Variants in C12orf42 observed in about 807,000 individuals in gnomAD.
The protein encoded by C12orf42 is chromosome 12 open reading frame 42.
Under a neutral mutation model 21.6 loss-of-function variants are expected in C12orf42, and 25 were observed. The observed-to-expected ratio is 1.16, with a 90% CI of 0.84 to 1.62. The LOEUF (loss-of-function observed/expected upper bound fraction) is 1.62. Among genes scored for constraint, C12orf42 ranks in the 40% most tolerant of loss-of-function variants. The pLI is 0.00. For synonymous variants in C12orf42, 174 were observed against 175.0 expected (o/e 0.99, Z 0.05); for missense variants, 483 against 459.3 (o/e 1.05, Z -0.47).
chr12:103,207,240 T>A, the C12orf42 span, among the ~76,000 whole-genome samples: 1 of 152,160 alleles, frequency 6.6e-6, no homozygotes, highest in African/African-American at 2.4e-5. Context: ...TAACCAAAAT[T>A]TTGTGTTATG....
intron 2 of C12orf42, among the ~76,000 whole-genome samples, chr12:103,447,292 G>A (rs1176569556): frequency 6.6e-6 from 1 of 151,418 alleles, no homozygotes; most frequent in Non-Finnish European, 1.5e-5. Flanking sequence ...AAGATGGAAG[G>A]TAAGGTAATA....
chr12:103,257,047 G>C (rs1429898531), intron 10 of C12orf42, among the ~76,000 whole-genome samples: 1 of 152,104 alleles, frequency 6.6e-6, no homozygotes, highest in East Asian at 1.9e-4. Context: ...AAAAGAATTA[G>C]ATCATGTCCT....
rs116621417 is a variant in C12orf42 at position 103,317,991 on chromosome 12, A to T, written c.260-11646T>A. On this transcript the variant is annotated intron_variant, in intron 4 of 5. Transcript: ENST00000548883. ...AGACATAGGGGTGAAGCCCAGTCTT[A>T]TGTTGTTTTTGTTTTAATATTACCA... is the stretch of plus-strand genomic sequence containing the variant. Among the ~76,000 whole-genome samples, 506 of 152,328 alleles carry T rather than the reference A, an allele frequency of 3.3e-3. 4 individuals carry two copies. Among genetic ancestry groups the T allele is most frequent in the African/African-American group, 0.012 (482 of 41,570 alleles).
At chr12:103,475,114 G>A (rs1953944956) in intron 2 of C12orf42, among the ~76,000 whole-genome samples, 1 of 152,154 alleles carries the variant, frequency 6.6e-6, no homozygotes, top group South Asian at 2.1e-4. Flanking sequence ...TCAGAAAAAA[G>A]CCATCTTCCA....
chr12:103,075,673 T>C, the C12orf42 span, among the ~76,000 whole-genome samples: 1 of 152,188 alleles, frequency 6.6e-6, no homozygotes, highest in African/African-American at 2.4e-5. Context: ...GCTATTTCTA[T>C]TATGTTCCTT....
At chr12:103,095,730 C>G in the C12orf42 span, among the ~76,000 whole-genome samples, 1 of 152,136 alleles carries the variant, frequency 6.6e-6, no homozygotes, top group Non-Finnish European at 1.5e-5. Context: ...GTCCTAAGAG[C>G]TTAGATCAAT....
At chr12:103,267,254 C>T (rs1305527392), downstream of C12orf42, among the ~76,000 whole-genome samples, 1 of 152,014 alleles carries the variant, frequency 6.6e-6, no homozygotes, top group Non-Finnish European at 1.5e-5. Context: ...GAGGGATCAG[C>T]AGCAATGAAA....
intron 4 of C12orf42, among the ~76,000 whole-genome samples, chr12:103,319,934 G>T (rs996181766): frequency 2.6e-5 from 4 of 152,138 alleles, no homozygotes; most frequent in African/African-American, 9.7e-5. Context: ...GGGCATATTG[G>T]CAAAGCAAGC....
At chr12:103,086,259 T>A in the C12orf42 span, among the ~76,000 whole-genome samples, 14 of 152,112 alleles carry the variant, frequency 9.2e-5, no homozygotes, top group South Asian at 2.7e-3. Context: ...ACTTAATTAA[T>A]CTGGATGAAA....
At chr12:103,178,080 G>A in the C12orf42 span, 2 of 152,056 alleles carry the variant, frequency 1.3e-5, no homozygotes, top group African/African-American at 4.8e-5. Flanking sequence ...GAGCGACGGC[G>A]AAGAAAGGAA....
chr12:103,190,336 A>T, the C12orf42 span, among the ~76,000 whole-genome samples: 1 of 152,118 alleles, frequency 6.6e-6, no homozygotes, highest in Non-Finnish European at 1.5e-5. Flanking sequence ...TGCTGATTGG[A>T]TGGTGCCTAC....
At chr12:103,147,409 C>T in the C12orf42 span, among the ~76,000 whole-genome samples, 1 of 151,866 alleles carries the variant, frequency 6.6e-6, no homozygotes, top group Non-Finnish European at 1.5e-5. Flanking sequence ...TAAAGTTTGG[C>T]CCTTTGCAGT....
At chr12:103,121,018 A>T in the C12orf42 span, among the ~76,000 whole-genome samples, 1 of 152,138 alleles carries the variant, frequency 6.6e-6, no homozygotes, top group Non-Finnish European at 1.5e-5. Context: ...TTCTTGGCAC[A>T]CCCAATCTGG....
At chr12:103,414,527 T>A (rs1297908869) in intron 2 of C12orf42, among the ~76,000 whole-genome samples, 1 of 152,220 alleles carries the variant, frequency 6.6e-6, no homozygotes. Context: ...TCTATGAGCA[T>A]GGAATATTTC....
intron 1 of C12orf42, among the ~76,000 whole-genome samples, chr12:103,486,621 A>G (rs1183494992): frequency 6.6e-6 from 1 of 152,116 alleles, no homozygotes; most frequent in East Asian, 1.9e-4. Flanking sequence ...GCTATTAATT[A>G]TTGTCTCCAT....
At chr12:103,151,597 C>G in the C12orf42 span, among the ~76,000 whole-genome samples, 10 of 151,912 alleles carry the variant, frequency 6.6e-5, no homozygotes, top group Non-Finnish European at 1.5e-4. Flanking sequence ...TCTTTAAGAA[C>G]CTAATGAGCT....
chr12:103,273,463 G>C (rs1210947704), intron 5 of C12orf42, among the ~76,000 whole-genome samples: 1 of 152,054 alleles, frequency 6.6e-6, no homozygotes, highest in Non-Finnish European at 1.5e-5. Context: ...CTGTAATGGA[G>C]GGTGTTATCA....
intron 4 of C12orf42, among the ~76,000 whole-genome samples, chr12:103,320,944 T>G (rs2040026370): frequency 6.6e-6 from 1 of 152,238 alleles, no homozygotes; most frequent in African/African-American, 2.4e-5. Flanking sequence ...TGCATCTTTA[T>G]GTTTTTCTGA....
chr12:103,515,873 G>A, the C12orf42 span, among the ~76,000 whole-genome samples: 2 of 152,120 alleles, frequency 1.3e-5, no homozygotes, highest in Admixed American at 6.5e-5. Flanking sequence ...AAGGCAAATA[G>A]GATTCTTAAT....
Sources: allele counts gnomAD v4.1 joint callset (sites outside exome capture counted in the v4.1 genomes callset), GRCh38; gene constraint gnomAD v4.1.1; transcripts MANE v1.5; gene names NCBI Gene and HGNC (gene_info 2026-07-23, HGNC 2026-07-21).